The following RSPH10B2 variants were observed in gnomAD, a reference collection of about 807,000 sequenced individuals.
RSPH10B2 encodes radial spoke head 10 homolog B2.
RSPH10B2 carries 9 observed loss-of-function variants against 49.0 expected under a neutral mutation model. The observed-to-expected ratio is 0.18, with a 90% CI of 0.11 to 0.32. The LOEUF (loss-of-function observed/expected upper bound fraction) is 0.32, where lower values mean the gene tolerates loss of function less well. RSPH10B2 is among the 10% of genes least tolerant of loss of function. The probability of loss-of-function intolerance (pLI) is 1.00; values close to 1 mark genes in which losing one functional copy is unlikely to be tolerated. For synonymous variants in RSPH10B2, 35 were observed against 210.2 expected, an observed-to-expected ratio of 0.17 and a Z score of 7.21; for missense variants, 95 against 589.9, an observed-to-expected ratio of 0.16 and a Z score of 8.69.
chr7:6,791,263 A>G (rs1782311833), intron 16 of RSPH10B2, among the ~76,000 whole-genome samples: 1 of 122,896 alleles, frequency 8.1e-6, no homozygotes, highest in Non-Finnish European at 1.6e-5. Context: ...TGGCCTCCCA[A>G]AGTGCTGGGA....
chr7:6,776,727 A>G (rs372051813), intron 10 of RSPH10B2, among the ~76,000 whole-genome samples, 181 bp downstream of exon 12: 14,232 of 43,986 alleles, frequency 0.32, 225 homozygotes, highest in Non-Finnish European at 0.36. Flanking sequence ...GATACAAAAA[A>G]TTAGCCAGGC....
In RSPH10B2 at chr7:6,783,752, C is replaced by T. The variant is rs1482509566; in HGVS notation, c.1759-2197C>T. 5.3e-5 allele frequency among the ~76,000 whole-genome samples: 8 copies of T among 151,396 alleles called. No individual in the cohort carries two copies. In the South Asian group the frequency reaches 1.1e-3, roughly 20 times the overall value. On this transcript the variant is annotated intron_variant, in intron 13 of 18. Transcript: ENST00000297186. The stretch of plus-strand genomic sequence containing the variant: ...CCTCCTGAAGTGCTGGGATTACAGG[C>T]GTGAGCCACTGCACCTGGCCCTTTT...
intron 7 of RSPH10B2, among the ~76,000 whole-genome samples, chr7:6,770,635 A>G (rs1309873216): frequency 1.4e-5 from 2 of 140,764 alleles, no homozygotes; most frequent in African/African-American, 5.3e-5. Flanking sequence ...GTGGGGCACG[A>G]TGGCTCACGC....
intron 1 of RSPH10B2, among the ~76,000 whole-genome samples, chr7:6,758,300 T>TA (rs1166702347): frequency 6.7e-6 from 1 of 148,732 alleles, no homozygotes; most frequent in Non-Finnish European, 1.5e-5. Context: ...TTTATGTATT[T>TA]AAAAAAATTA....
At chr7:6,795,933 A>G (rs1336243688) in intron 17 of RSPH10B2, among the ~76,000 whole-genome samples, 1 of 65,092 alleles carries the variant, frequency 1.5e-5, no homozygotes, top group African/African-American at 6.9e-5. Context: ...GCTTGTCTTT[A>G]AAAAAAAAAA....
intron 16 of RSPH10B2, among the ~76,000 whole-genome samples, chr7:6,791,146 C>T (rs1278517129): frequency 1.5e-5 from 2 of 134,718 alleles, no homozygotes; most frequent in Non-Finnish European, 3.1e-5. Flanking sequence ...GGACTACAGG[C>T]ACCCACCCCC....
intron 6 of RSPH10B2, 135 bp downstream of exon 8, chr7:6,767,012 T>C: frequency 2.4e-6 from 1 of 419,188 alleles, no homozygotes; most frequent in East Asian, 3.0e-5. Flanking sequence ...TCTCCCAGGC[T>C]GGAGTGCACT....
chr7:6,781,510 T>C, intron 13 of RSPH10B2, 34 bp downstream of exon 15: 1 of 1,194,866 alleles, frequency 8.4e-7, no homozygotes, highest in Non-Finnish European at 1.1e-6. Context: ...GCTTTCTATT[T>C]ACAGGCACTT....
intron 14 of RSPH10B2, 146 bp downstream of exon 16, chr7:6,786,202 A>G: frequency 4.5e-6 from 1 of 221,820 alleles, no homozygotes; most frequent in Non-Finnish European, 7.6e-6. Context: ...TTTTTTGGAG[A>G]CGGAGTCTCA....
At chr7:6,796,102 G>C (rs1339883967) in intron 17 of RSPH10B2, among the ~76,000 whole-genome samples, 2 of 139,994 alleles carry the variant, frequency 1.4e-5, no homozygotes, top group African/African-American at 2.6e-5. Flanking sequence ...GGTGGATCAC[G>C]TGAGGTTAAG....
chr7:6,793,850 A>AT, intron 17 of RSPH10B2, among the ~76,000 whole-genome samples: 1 of 150,566 alleles, frequency 6.6e-6, no homozygotes, highest in African/African-American at 2.4e-5. Flanking sequence ...TCAAAAAAAA[A>AT]AAAAGGAAAA....
chr7:6,796,062 G>C (rs1195691982), intron 17 of RSPH10B2, among the ~76,000 whole-genome samples: 1 of 143,966 alleles, frequency 6.9e-6, no homozygotes, highest in East Asian at 2.0e-4. Flanking sequence ...GCTCATGCCT[G>C]TAATCCCAGC....
chr7:6,757,853 A>G (rs1408207267), exon 1 of RSPH10B2: 1 of 1,581,244 alleles, frequency 6.3e-7, no homozygotes, highest in Non-Finnish European at 8.6e-7. Context: ...AAACCCAAAA[A>G]AGACCGCCAA....
At chr7:6,794,006 C>G (rs1782458808) in intron 17 of RSPH10B2, 1 of 150,612 alleles carries the variant, frequency 6.6e-6, no homozygotes, top group South Asian at 2.0e-4. Context: ...ACCTTTGCTG[C>G]TAGGCATCTT....
intron 12 of RSPH10B2, 40 bp from the exon 15 acceptor site, chr7:6,781,288 A>C: frequency 7.7e-7 from 1 of 1,300,816 alleles, no homozygotes; most frequent in Admixed American, 2.7e-5. Flanking sequence ...TTTTCTCAAA[A>C]CATAAATCTG....
intron 13 of RSPH10B2, among the ~76,000 whole-genome samples, chr7:6,783,878 C>T (rs1782039833): frequency 7.1e-6 from 1 of 141,706 alleles, no homozygotes; most frequent in Admixed American, 7.2e-5. Flanking sequence ...GCTCTGTCGC[C>T]CAGGCTGGAG....
At chr7:6,757,879 G>C in exon 1 of RSPH10B2, 1 of 1,563,988 alleles carries the variant, frequency 6.4e-7, no homozygotes, top group Non-Finnish European at 8.6e-7. Flanking sequence ...TCAGCAGAAC[G>C]AAGATGCCAG....
chr7:6,796,427 G>A lies in RSPH10B2; in HGVS notation c.2234-141G>A, dbSNP rs1201166097. On this transcript the variant is annotated intron_variant, in intron 17 of 18. Transcript: ENST00000297186. The stretch of plus-strand genomic sequence containing the variant: ...TGCCTTGTTCCAGGTGGTCATGGAA[G>A]CAGCGTCCTTACTCCTCTCACTTCT... The A allele has an allele frequency of 3.2e-5, 18 of 560,742 alleles. 3 individuals are homozygous for A. The highest frequency in any genetic ancestry group is 4.7e-5 in the Non-Finnish European group (17 of 363,574). The allele number at this position is 560,742 out of a possible 1,614,324, so 34.7% of individuals were successfully genotyped here.
At chr7:6,767,936 C>T (rs1229162362) in intron 6 of RSPH10B2, among the ~76,000 whole-genome samples, 5 of 135,566 alleles carry the variant, frequency 3.7e-5, no homozygotes, top group Non-Finnish European at 7.8e-5. Context: ...CAGTGGCTCA[C>T]ACGTGTAATC....
Sources: allele counts gnomAD v4.1 joint callset (sites outside exome capture counted in the v4.1 genomes callset), GRCh38; gene constraint gnomAD v4.1.1; transcripts MANE v1.5; gene names NCBI Gene and HGNC (gene_info 2026-07-23, HGNC 2026-07-21).